The following N4BP2L2 variants were observed in gnomAD, a reference collection of about 807,000 sequenced individuals.
The protein encoded by N4BP2L2 is NEDD4-binding protein 2-like 2.
N4BP2L2 carries 50 observed loss-of-function variants against 56.2 expected under a neutral mutation model. The ratio of observed to expected loss-of-function variants is 0.89; its 90% CI spans 0.71 to 1.13. The LOEUF (loss-of-function observed/expected upper bound fraction) is 1.13, where lower values mean the gene tolerates loss of function less well. Ranked by LOEUF, N4BP2L2 falls within the 50% of genes most tolerant of loss-of-function variation. N4BP2L2 has a pLI of 0.00. For synonymous variants in N4BP2L2, 203 were observed against 223.6 expected (o/e 0.91, Z 0.82); for missense variants, 689 against 693.8 (o/e 0.99, Z 0.08).
intron 6 of N4BP2L2, among the ~76,000 whole-genome samples, chr13:32,475,264 C>T (rs887362513): frequency 1.3e-5 from 2 of 152,146 alleles, no homozygotes; most frequent in Admixed American, 6.5e-5. Context: ...GGGCTATATA[C>T]CCTGATTTCT....
At chr13:32,521,721 A>C in intron 4 of N4BP2L2, 1 of 322,848 alleles carries the variant, frequency 3.1e-6, no homozygotes, top group Non-Finnish European at 5.6e-6. Flanking sequence ...CATGCCTGTA[A>C]TCCCAGCACT....
At chr13:32,518,438 AATT>A (rs1298902309) in intron 5 of N4BP2L2, among the ~76,000 whole-genome samples, 1 of 152,192 alleles carries the variant, frequency 6.6e-6, no homozygotes. Flanking sequence ...GGCAACACCA[AATT>A]ATTATTACAG....
At chr13:32,443,709 T>G (rs772694994) in exon 7 of N4BP2L2, 2 of 1,592,654 alleles carry the variant, frequency 1.3e-6, no homozygotes, top group South Asian at 2.3e-5. Flanking sequence ...GAGTCAGTAT[T>G]GGACAAGTAA....
chr13:32,458,076 G>C (rs1207082963), intron 6 of N4BP2L2, among the ~76,000 whole-genome samples: 1 of 151,864 alleles, frequency 6.6e-6, no homozygotes, highest in African/African-American at 2.4e-5. Flanking sequence ...GTTTTGTTTT[G>C]TTTTTGAGAC....
exon 6 of N4BP2L2, chr13:32,517,105 A>T: frequency 1.0e-6 from 1 of 982,770 alleles, no homozygotes; most frequent in Non-Finnish European, 1.2e-6. Flanking sequence ...ACATTATTAG[A>T]ATCACTTTAT....
At chr13:32,532,820 A>C (rs1009532559) in intron 2 of N4BP2L2, among the ~76,000 whole-genome samples, 3 of 150,236 alleles carry the variant, frequency 2.0e-5, no homozygotes, top group African/African-American at 7.3e-5. Flanking sequence ...CGATCTCTTG[A>C]CCTCATGATC....
At chr13:32,508,513 G>T (rs1445563370), downstream of N4BP2L2, 1 of 152,090 alleles carries the variant, frequency 6.6e-6, no homozygotes, top group Non-Finnish European at 1.5e-5. Context: ...GTGGAACTCA[G>T]ACTGCCTAAC....
chr13:32,439,884 G>A (rs1307434327), intron 7 of N4BP2L2, among the ~76,000 whole-genome samples: 2 of 150,936 alleles, frequency 1.3e-5, no homozygotes, highest in African/African-American at 4.9e-5. Flanking sequence ...AAATTAGCCG[G>A]GCGCAGTGGC....
chr13:32,489,243 A>G (rs2086545646), intron 6 of N4BP2L2, among the ~76,000 whole-genome samples: 2 of 152,242 alleles, frequency 1.3e-5, no homozygotes, highest in Non-Finnish European at 2.9e-5. Flanking sequence ...ACGAATTAGA[A>G]TAATTCCAAT....
At chr13:32,452,910 C>T (rs1451145841) in intron 6 of N4BP2L2, among the ~76,000 whole-genome samples, 1 of 151,962 alleles carries the variant, frequency 6.6e-6, no homozygotes, top group Non-Finnish European at 1.5e-5. Flanking sequence ...ATATATCAGA[C>T]AAAATAGAAA....
chr13:32,468,912 C>A (rs1038949353), intron 6 of N4BP2L2, among the ~76,000 whole-genome samples: 1 of 152,164 alleles, frequency 6.6e-6, no homozygotes, highest in Non-Finnish European at 1.5e-5. Context: ...AACCTTGTAG[C>A]CCAGGGAATG....
chr13:32,477,790 T>C, intron 6 of N4BP2L2: 1 of 1,083,348 alleles, frequency 9.2e-7, no homozygotes. Context: ...CCAGGTCTTG[T>C]TAAGAGGTAT....
In N4BP2L2 at chr13:32,479,335, C is replaced by T. The variant is rs1385867846; in HGVS notation, c.366-35209G>A. Among the ~76,000 whole-genome samples the T allele has an allele frequency of 3.3e-5, 5 of 151,846 alleles. No individual in the cohort carries two copies. In the East Asian group the frequency reaches 5.9e-4, roughly 18 times the overall value. ...AGGCTGGAGTGCAGTGGCATGATCT[C>T]GGCTCACTGCAAAGCTCCACCTCCT... is the stretch of plus-strand genomic sequence containing the variant. On this transcript the variant is annotated intron_variant, in intron 6 of 9. Coordinates refer to the N4BP2L2 transcript ENST00000357505.
intron 6 of N4BP2L2, among the ~76,000 whole-genome samples, chr13:32,451,617 C>G (rs945672403): frequency 6.6e-6 from 1 of 151,376 alleles, no homozygotes; most frequent in African/African-American, 2.4e-5. Context: ...TCACCACTTA[C>G]TGCAACCTTG....
At chr13:32,521,694 G>T in intron 4 of N4BP2L2, 1 of 375,560 alleles carries the variant, frequency 2.7e-6, no homozygotes, top group Non-Finnish European at 4.7e-6. Flanking sequence ...AACAATATGA[G>T]GCTGGGCGTG....
intron 6 of N4BP2L2, among the ~76,000 whole-genome samples, chr13:32,495,684 G>A (rs976153884): frequency 5.9e-5 from 9 of 151,846 alleles, no homozygotes; most frequent in African/African-American, 1.7e-4. Flanking sequence ...GCAAATGCCC[G>A]CTGCCTCTTT....
At chr13:32,454,604 A>C (rs2078650362) in intron 6 of N4BP2L2, among the ~76,000 whole-genome samples, 1 of 152,214 alleles carries the variant, frequency 6.6e-6, no homozygotes, top group South Asian at 2.1e-4. Flanking sequence ...ACTTTATGTT[A>C]ACTATTTTAA....
intron 6 of N4BP2L2, among the ~76,000 whole-genome samples, chr13:32,470,569 G>C (rs534765955): frequency 3.9e-5 from 6 of 152,216 alleles, no homozygotes; most frequent in South Asian, 2.1e-4. Context: ...CCCAACTATG[G>C]AAGGGAGCTG....
At chr13:32,486,950 G>C (rs1298274474) in intron 6 of N4BP2L2, among the ~76,000 whole-genome samples, 1 of 151,206 alleles carries the variant, frequency 6.6e-6, no homozygotes, top group African/African-American at 2.4e-5. Flanking sequence ...AGTGAGCCGA[G>C]ATCACGCCAC....
Sources: allele counts gnomAD v4.1 joint callset (sites outside exome capture counted in the v4.1 genomes callset), GRCh38; gene constraint gnomAD v4.1.1; transcripts MANE v1.5; gene names NCBI Gene and HGNC (gene_info 2026-07-23, HGNC 2026-07-21).